SNED1: variants seen among roughly 807,000 people sequenced by gnomAD.
SNED1 encodes the protein sushi, nidogen and EGF like domains 1, also known as sushi, nidogen and EGF-like domain-containing protein 1.
SNED1 carries 81 observed loss-of-function variants against 166.7 expected under a neutral mutation model. The observed-to-expected ratio is 0.49, with a 90% CI of 0.41 to 0.58. The LOEUF (loss-of-function observed/expected upper bound fraction) is 0.58, where lower values mean the gene tolerates loss of function less well. SNED1 is among the 20% of genes least tolerant of loss of function. The probability of loss-of-function intolerance (pLI) is 0.00; values close to 1 mark genes in which losing one functional copy is unlikely to be tolerated. For synonymous variants in SNED1, 762 were observed against 822.0 expected, an observed-to-expected ratio of 0.93 and a Z score of 1.25; for missense variants, 1,604 against 2,000.2, an observed-to-expected ratio of 0.80 and a Z score of 3.78.
At chr2:241,002,437 C>T (rs1250620716) in intron 1 of SNED1, among the ~76,000 whole-genome samples, 1 of 152,212 alleles carries the variant, frequency 6.6e-6, no homozygotes, top group Non-Finnish European at 1.5e-5. Context: ...CACTGAGGTT[C>T]CCGGGCTGGC....
chr2:241,038,975 G>A (rs906056177), intron 6 of SNED1, among the ~76,000 whole-genome samples: 3 of 152,244 alleles, frequency 2.0e-5, no homozygotes, highest in Non-Finnish European at 4.4e-5. Context: ...GAGGGCTTGA[G>A]GCTTGGCGCC....
intron 1 of SNED1, among the ~76,000 whole-genome samples, chr2:241,008,303 TGGTGACCCGG>T (rs2060284727): frequency 6.6e-6 from 1 of 152,212 alleles, no homozygotes; most frequent in South Asian, 2.1e-4. Flanking sequence ...GGGCTGCTCG[TGGTGACCCGG>T]GGCACTCCTA....
rs946509847 is a variant in SNED1, at chr2:241,031,118, T to C, written c.501+547T>C. On this transcript the variant is annotated intron_variant, in intron 2 of 31. Transcript: ENST00000310397. ...CAGTGACTCCCTAGAAAAGAGGCGC[T>C]GGGTGCAGAACCGCCATTTTCAGAG... Among the ~76,000 whole-genome samples, 11 of 152,064 alleles carry C rather than the reference T, an allele frequency of 7.2e-5. No homozygotes were observed. The East Asian group carries it at 1.2e-3, about 16-fold the overall frequency.
intron 31 of SNED1, among the ~76,000 whole-genome samples, chr2:241,090,644 A>G (rs958734388): frequency 2.6e-5 from 4 of 152,170 alleles, no homozygotes; most frequent in Non-Finnish European, 4.4e-5. Flanking sequence ...AGGCCGGCGG[A>G]TCACTTGAGG....
Position 241,068,603 on chromosome 2 carries a change from C to T in SNED1, c.3195-308C>T, listed in dbSNP as rs1225009946. ...CCTGTGCTGAGGGCCCGTCCCCCAT[C>T]CCTGCACAGTGACCACTTCCCCCTT... On this transcript the variant is annotated intron_variant, in intron 22 of 31. Transcript: ENST00000310397. This position sits in a 1 kb window ranked among gnomAD's most constrained non-coding sequence, Gnocchi z 5.3. Among the ~76,000 whole-genome samples the T allele has an allele frequency of 6.6e-6, 1 of 152,074 alleles. No individual in the cohort carries two copies. The highest frequency in any genetic ancestry group is 1.5e-5 in the Non-Finnish European group (1 of 68,000).
Position 241,073,432 on chromosome 2 carries a change from G to A in SNED1, c.3916+68G>A. On this transcript the variant is annotated intron_variant, in intron 27 of 31. Transcript: ENST00000310397. This position sits in a 1 kb window ranked among gnomAD's most constrained non-coding sequence, Gnocchi z 6.6. ...GCTCTCAGGGGCCTTAGAGGCTGCA[G>A]GCAGGAGGGACCACCCACGGTGAGG... 3 of 1,336,928 alleles carry A rather than the reference G, an allele frequency of 2.2e-6. No homozygotes were observed. The highest frequency in any genetic ancestry group is 3.2e-6 in the Non-Finnish European group (3 of 952,014). 82.8% of individuals were successfully genotyped at this position (1,336,928 alleles called of 1,614,324 possible).
chr2:241,082,590 A>C (rs2063381114), intron 29 of SNED1, among the ~76,000 whole-genome samples: 1 of 152,206 alleles, frequency 6.6e-6, no homozygotes, highest in Admixed American at 6.5e-5. Flanking sequence ...AGGGGCTGAG[A>C]AGAACGCAGG....
At chr2:241,043,337 A>G (rs769013981) in intron 8 of SNED1, among the ~76,000 whole-genome samples, 39 of 152,354 alleles carry the variant, frequency 2.6e-4, no homozygotes, top group Non-Finnish European at 4.7e-4. Flanking sequence ...AATGCAAGCC[A>G]GGAGACACTG....
chr2:241,070,072 G>A lies in SNED1; in HGVS notation c.3460G>A (p.Gly1154Arg), dbSNP rs370307059. ...CACCAAGAGCCGCTATGTCCCCAAC[G>A]GGAAGCTGGCGTCCTACACGGTGCG... is the stretch of plus-strand genomic sequence containing the variant. ...QSTKSRYVPN[G>R]KLASYTVRDL... Residue 1154 changes from glycine to arginine, a missense_variant, in exon 24 of 32, where the codon GGG becomes AGG. By Grantham distance (125) the Gly-to-Arg change is moderately radical. This residue lies in a region of SNED1 where 367 missense variants were observed against 379.4 expected (regional missense o/e 0.97). Transcript: ENST00000310397. The A allele has an allele frequency of 2.5e-6, 4 of 1,613,102 alleles. No homozygotes were observed. The highest frequency in any genetic ancestry group is 3.4e-6 in the Non-Finnish European group (4 of 1,179,890).
At chr2:241,015,788 T>C (rs1269382758) in intron 1 of SNED1, 1 of 155,826 alleles carries the variant, frequency 6.4e-6, no homozygotes, top group African/African-American at 2.4e-5. Flanking sequence ...GTGAATCGTC[T>C]CATAGCGGTG....
chr2:241,020,606 A>G (rs898714897), intron 1 of SNED1, among the ~76,000 whole-genome samples: 1 of 152,138 alleles, frequency 6.6e-6, no homozygotes, highest in African/African-American at 2.4e-5. Context: ...CGCTGCCCTT[A>G]TGTGATCAAG....
rs144077532 is a variant in SNED1 at position 241,005,193 on chromosome 2, C to CTGTTTT, written c.213+6162_213+6167dup. Among the ~76,000 whole-genome samples, 338 of 151,366 alleles carry CTGTTTT rather than the reference C, an allele frequency of 2.2e-3. 2 individuals carry two copies. Among genetic ancestry groups the CTGTTTT allele is most frequent in the African/African-American group, 7.5e-3 (311 of 41,256 alleles). ...TTTAAATTTTAGTTTAGTTTAGTTT[C>CTGTTTT]TGTTTTTGTTTTTGTTTTTGTTTTG... On this transcript the variant is annotated intron_variant, in intron 1 of 31. Coordinates refer to ENST00000310397, the MANE Select transcript of SNED1 (RefSeq NM_001080437.3).
chr2:241,057,380 A>AAAAAAAAAAATATATATATAT (rs377141068), intron 16 of SNED1, among the ~76,000 whole-genome samples: 1 of 118,128 alleles, frequency 8.5e-6, no homozygotes, highest in African/African-American at 3.8e-5. Context: ...TCCATCTCAA[A>AAAAAAAAAAATATATATATAT]ATATATATAT....
intron 16 of SNED1, among the ~76,000 whole-genome samples, chr2:241,057,416 A>G (rs2062089993): frequency 8.7e-6 from 1 of 114,526 alleles, no homozygotes. Context: ...TATATATGCC[A>G]TACGCAGTGG....
rs918489458 is a variant in SNED1, at chr2:241,068,129, C to G, written c.3194+182C>G. 6.6e-6 allele frequency among the ~76,000 whole-genome samples: 1 copy of G among 152,154 alleles called. No individual in the cohort carries two copies. Among genetic ancestry groups the G allele is most frequent in the African/African-American group, 2.4e-5 (1 of 41,426 alleles). On this transcript the variant is annotated intron_variant, in intron 22 of 31. Coordinates refer to ENST00000310397, the MANE Select transcript of SNED1 (RefSeq NM_001080437.3). The surrounding 1 kb of genome is among the most constrained non-coding windows in gnomAD (Gnocchi z 5.3). The stretch of plus-strand genomic sequence containing the variant: ...CAGACCCTGGAGGCTTCACTCCCGC[C>G]TCACCTCATCAGGGCTGCCAAGAGA...
chr2:241,031,013 T>C (rs1179592877), intron 2 of SNED1, among the ~76,000 whole-genome samples: 1 of 152,146 alleles, frequency 6.6e-6, no homozygotes, highest in Non-Finnish European at 1.5e-5. Context: ...ACCTGCCCAC[T>C]CCGGTGGCAG....
At chr2:241,087,759 CAG>C in intron 30 of SNED1, 1 of 1,210,084 alleles carries the variant, frequency 8.3e-7, no homozygotes, top group Non-Finnish European at 1.1e-6. Context: ...TTGGGAAGCA[CAG>C]GGTGTTACGG....
chr2:241,063,754 C>A, intron 18 of SNED1, 54 bp downstream of exon 18: 3 of 1,303,218 alleles, frequency 2.3e-6, no homozygotes, highest in East Asian at 4.9e-5. Flanking sequence ...TCTGGAAGAT[C>A]AGAGAGGAGG....
Position 241,063,529 on chromosome 2 carries a change from G to A in SNED1, c.2372-58G>A, listed in dbSNP as rs1209063257. The A allele has an allele frequency of 3.7e-6, 4 of 1,090,012 alleles. No homozygotes were observed. The Admixed American group carries it at 5.9e-5, about 16-fold the overall frequency. The allele number at this position is 1,090,012 out of a possible 1,614,324, so 67.5% of individuals were successfully genotyped here. ...CCAGGAAATGCACGGAATCCTGGGG[G>A]CATGTGGGCGCCTCAGACTTGAGCC... On this transcript the variant is annotated intron_variant, in intron 17 of 31. Transcript: ENST00000310397.
Sources: allele counts gnomAD v4.1 joint callset (sites outside exome capture counted in the v4.1 genomes callset), GRCh38; gene constraint gnomAD v4.1.1; regional missense constraint gnomAD v4.1.1; non-coding constraint Gnocchi (gnomAD v3.1); transcripts MANE v1.5; gene names NCBI Gene and HGNC (gene_info 2026-07-23, HGNC 2026-07-21).